DOT1L: variants seen among roughly 807,000 people sequenced by gnomAD.
DOT1L encodes the protein histone-lysine N-methyltransferase, H3 lysine-79 specific.
Under a neutral mutation model 153.3 loss-of-function variants are expected in DOT1L, and 33 were observed. The observed-to-expected ratio is 0.22, with a 90% CI of 0.16 to 0.29. The LOEUF is 0.29. Among genes scored for constraint, DOT1L ranks in the 10% least tolerant of loss-of-function variants. The probability of loss-of-function intolerance (pLI) is 1.00; values close to 1 mark genes in which losing one functional copy is unlikely to be tolerated. For missense variants in DOT1L, 1,847 were observed against 2,119.9 expected (o/e 0.87, Z 2.53); for synonymous variants, 1,135 against 965.1 (o/e 1.18, Z -3.26).
intron 3 of DOT1L, among the ~76,000 whole-genome samples, chr19:2,186,714 C>T (rs1310325233): frequency 6.6e-6 from 1 of 152,240 alleles, no homozygotes; most frequent in Non-Finnish European, 1.5e-5. Flanking sequence ...CGAGCCCTGC[C>T]CATTCCCTGG....
chr19:2,168,071 A>G (rs1309712410), intron 1 of DOT1L, among the ~76,000 whole-genome samples: 15 of 152,270 alleles, frequency 9.9e-5, no homozygotes, highest in African/African-American at 3.6e-4. Flanking sequence ...GATTCATTCC[A>G]ACAGCAGCTA....
chr19:2,225,226 C>T (rs893769381), intron 25 of DOT1L, among the ~76,000 whole-genome samples, 162 bp from the exon 26 acceptor site: 1 of 152,210 alleles, frequency 6.6e-6, no homozygotes, highest in African/African-American at 2.4e-5. Context: ...CCCAGCCACC[C>T]AGTCCAGGCC....
intron 27 of DOT1L, chr19:2,227,921 T>TCCGCCG: frequency 6.6e-6 from 7 of 1,056,050 alleles, no homozygotes; most frequent in Non-Finnish European, 8.2e-6. Context: ...CGCCTCCGCC[T>TCCGCCG]CCGCCTCCCC....
chr19:2,208,920 CTT>C lies in DOT1L; in HGVS notation c.964-13_964-12del. The C allele has an allele frequency of 1.9e-6, 3 of 1,612,278 alleles. No individual in the cohort carries two copies. The highest frequency in any genetic ancestry group is 2.5e-6 in the Non-Finnish European group (3 of 1,179,308). ...GGGACTCCCTTCTAATCAGGGTTCTCTTTCTTCTTTTTAGCTTGAAAACTATT... is the reference window on the plus strand; with the variant it reads ...GGGACTCCCTTCTAATCAGGGTTCTCTCTTCTTTTTAGCTTGAAAACTATT... On this transcript the variant is annotated splice_polypyrimidine_tract_variant and intron_variant, in intron 11 of 27. Coordinates refer to ENST00000398665, the MANE Select transcript of DOT1L (RefSeq NM_032482.3). The surrounding 1 kb of genome is among the most constrained non-coding windows in gnomAD (Gnocchi z 4.4).
chr19:2,177,565 A>G (rs1408780055), intron 1 of DOT1L, among the ~76,000 whole-genome samples: 1 of 152,154 alleles, frequency 6.6e-6, no homozygotes, highest in East Asian at 1.9e-4. Context: ...AGTATTCGCC[A>G]CGTTGGCCAG....
At chr19:2,205,627 G>A (rs960920488) in intron 9 of DOT1L, among the ~76,000 whole-genome samples, 2 of 152,168 alleles carry the variant, frequency 1.3e-5, no homozygotes, top group Middle Eastern at 3.2e-3. Flanking sequence ...TGCATCTACA[G>A]TTAGATTTTG....
Position 2,226,394 on chromosome 19 carries a change from C to T in DOT1L, c.3873C>T (p.His1291=), listed in dbSNP as rs760306576. Residue 1291 remains histidine, a synonymous_variant, in exon 27 of 28, where the codon CAC becomes CAT. Transcript: ENST00000398665. ...EPSADAKLAA[H]PRKGFPGSLS... is the part of the protein sequence containing the mutation. ...CTGCCGATGCCAAGCTGGCCGCTCA[C>T]CCCAGGAAAGGCTTTCCCGGCTCCC... 1 of 1,597,652 alleles carries T rather than the reference C, an allele frequency of 6.3e-7. No individual in the cohort carries two copies. The highest frequency in any genetic ancestry group is 8.5e-7 in the Non-Finnish European group (1 of 1,175,264).
At chr19:2,169,829 A>G (rs970270931) in intron 1 of DOT1L, among the ~76,000 whole-genome samples, 1 of 152,168 alleles carries the variant, frequency 6.6e-6, no homozygotes, top group Non-Finnish European at 1.5e-5. Context: ...GTGTGAATCT[A>G]CAATTATCTT....
chr19:2,187,963 C>A (rs1431462562), intron 3 of DOT1L, among the ~76,000 whole-genome samples: 88 of 151,166 alleles, frequency 5.8e-4, no homozygotes, highest in African/African-American at 1.7e-3. Context: ...CAGGAAGGGC[C>A]AGGGCTGCTC....
Position 2,231,870 on chromosome 19 carries a change from G to A in DOT1L, c.*2078G>A, listed in dbSNP as rs528464476. The A allele has an allele frequency of 3.6e-4, 79 of 219,916 alleles. No homozygotes were observed. The highest frequency in any genetic ancestry group is 1.4e-3 in the Admixed American group (24 of 17,306). The allele number at this position is 219,916 out of a possible 1,614,324, so 13.6% of individuals were successfully genotyped here. Reference sequence around the variant, plus strand: ...AGGGCTCCTGCCCACGCAGGCCACCGTATGTTCAGGACACGCACTGGGTCT... The same window carrying A: ...AGGGCTCCTGCCCACGCAGGCCACCATATGTTCAGGACACGCACTGGGTCT... On this transcript the variant is annotated 3_prime_UTR_variant, in exon 28 of 28. Transcript: ENST00000398665.
intron 1 of DOT1L, among the ~76,000 whole-genome samples, chr19:2,172,462 C>G (rs1438393342): frequency 6.6e-6 from 1 of 150,844 alleles, no homozygotes; most frequent in Non-Finnish European, 1.5e-5. Context: ...GTGCTGGGAT[C>G]ACAGGTGTGA....
intron 1 of DOT1L, among the ~76,000 whole-genome samples, chr19:2,179,127 G>C (rs2022104207): frequency 6.6e-6 from 1 of 152,156 alleles, no homozygotes; most frequent in East Asian, 1.9e-4. Context: ...TGGGGTCTCT[G>C]TGTGGCACCC....
intron 25 of DOT1L, among the ~76,000 whole-genome samples, chr19:2,223,696 T>C (rs944146433): frequency 1.3e-5 from 2 of 151,830 alleles, no homozygotes; most frequent in Non-Finnish European, 2.9e-5. Context: ...CCATTCGGGG[T>C]GGGACACGAG....
chr19:2,220,225 A>C lies in DOT1L; in HGVS notation c.2806+3A>C, dbSNP rs2144891546. The stretch of plus-strand genomic sequence containing the variant: ...AAGCCTTGCCCTGGCCCCCGCAGGT[A>C]ACGCCCCTCCTGTGCCCTACCCTCA... On this transcript the variant is annotated splice_donor_region_variant and intron_variant, in intron 23 of 27. Coordinates refer to ENST00000398665, the MANE Select transcript of DOT1L (RefSeq NM_032482.3). This position sits in a 1 kb window ranked among gnomAD's most constrained non-coding sequence, Gnocchi z 4.5. The C allele has an allele frequency of 6.2e-7, 1 of 1,611,772 alleles. No individual in the cohort carries two copies. The highest frequency in any genetic ancestry group is 8.5e-7 in the Non-Finnish European group (1 of 1,179,242).
At position 2,226,953 on chromosome 19, in the gene DOT1L, C is replaced by T. The variant is rs200107890; in HGVS notation, c.4432C>T (p.Pro1478Ser). Reference protein sequence around the residue: ...FPPGPQFALGPMSLQANLGSV... With the variant: ...FPPGPQFALGSMSLQANLGSV... ...GCCGGGACCGCAGTTCGCGCTCGGCCCCATGTCCCTGCAGGCCAACCTCGG... is the reference window on the plus strand; with the variant it reads ...GCCGGGACCGCAGTTCGCGCTCGGCTCCATGTCCCTGCAGGCCAACCTCGG... Residue 1478 changes from proline to serine, a missense_variant, in exon 27 of 28, where the codon CCC (proline) becomes TCC (serine). Physicochemically the swap from Pro to Ser is moderately conservative, Grantham distance 74 (BLOSUM62 -1). Coordinates refer to ENST00000398665, the MANE Select transcript of DOT1L (RefSeq NM_032482.3). 9.9e-5 allele frequency: 158 copies of T among 1,589,736 alleles called. 2 individuals carry two copies. Among genetic ancestry groups the T allele is most frequent in the Middle Eastern group, 6.8e-4 (4 of 5,842 alleles).
intron 27 of DOT1L, chr19:2,228,067 G>T: frequency 7.6e-7 from 1 of 1,317,606 alleles, no homozygotes; most frequent in Non-Finnish European, 1.0e-6. Context: ...CTTCTGCAGA[G>T]CCTCGCGTCC....
Position 2,193,636 on chromosome 19 carries a change from C to G in DOT1L, c.494-53C>G. On this transcript the variant is annotated intron_variant, in intron 5 of 27. Transcript: ENST00000398665. This position sits in a 1 kb window ranked among gnomAD's most constrained non-coding sequence, Gnocchi z 5.9. ...TCTGTCTCCGAGCCTAGCACGGCCT[C>G]CCGGGTGGCATCTGAGCGCTGTGTG... 6.3e-7 allele frequency: 1 copy of G among 1,580,012 alleles called. No homozygotes were observed. The highest frequency in any genetic ancestry group is 8.7e-7 in the Non-Finnish European group (1 of 1,152,142).
At chr19:2,219,915 C>T (rs936730073) in intron 22 of DOT1L, among the ~76,000 whole-genome samples, 193 bp from the exon 23 acceptor site, 4 of 152,174 alleles carry the variant, frequency 2.6e-5, no homozygotes, top group African/African-American at 7.2e-5. Context: ...GCAGGCACCG[C>T]GCACTCTCGC....
intron 18 of DOT1L, 53 bp downstream of exon 18, chr19:2,214,039 G>A (rs2023813019): frequency 6.3e-7 from 1 of 1,579,600 alleles, no homozygotes; most frequent in East Asian, 2.3e-5. Flanking sequence ...GCCCTGCCTG[G>A]GCGGGTGTGT....
Sources: gnomAD v4.1 joint callset for allele counts (sites outside exome capture counted in the v4.1 genomes callset) on GRCh38, gnomAD v4.1.1 for gene constraint, Gnocchi (gnomAD v3.1) non-coding constraint, MANE v1.5 for transcripts, NCBI Gene and HGNC (gene_info 2026-07-23, HGNC 2026-07-21) for gene names.